Variants in SYNE3 observed in about 807,000 individuals in gnomAD.
SYNE3 encodes the protein spectrin repeat containing nuclear envelope family member 3.
A neutral mutation model predicts 111.2 loss-of-function variants in SYNE3; 100 were observed. The ratio of observed to expected loss-of-function variants is 0.90; its 90% CI spans 0.77 to 1.06. SYNE3 has a LOEUF of 1.06. Ranked by LOEUF, SYNE3 falls within the 50% of genes least tolerant of loss-of-function variation. The pLI is 0.00. For missense variants in SYNE3, 1,160 were observed against 1,240.3 expected (o/e 0.94, Z 0.97); for synonymous variants, 547 against 533.9 (o/e 1.02, Z -0.34).
rs1188695454 is a variant in SYNE3, at chr14:95,445,918, G to A, written c.1623C>T (p.Ser541=). The A allele has an allele frequency of 6.2e-7, 1 of 1,613,700 alleles. No individual in the cohort carries two copies. The highest frequency in any genetic ancestry group is 1.3e-5 in the African/African-American group (1 of 74,944). Residue 541 remains serine, a synonymous_variant, in exon 9 of 18, where the codon AGC becomes AGT. Coordinates refer to ENST00000682763, the MANE Select transcript of SYNE3 (RefSeq NM_152592.6). ...GCCTGGTGCTGCACACCTGCAGTTTGCTTTTCCTCTGCAGGAGGCTGTTAT... is the reference window on the plus strand; with the variant it reads ...GCCTGGTGCTGCACACCTGCAGTTTACTTTTCCTCTGCAGGAGGCTGTTAT... ...LLHNSLLQRK[S]KLQSLLAQHK...
At position 95,410,077 on chromosome 14, in the gene SYNE3, T is replaced by C. The variant is rs187679661; in HGVS notation, c.*7749A>G. The C allele has an allele frequency of 6.5e-6, 1 of 153,170 alleles. No homozygotes were observed. Among genetic ancestry groups the C allele is most frequent in the African/African-American group, 2.4e-5 (1 of 41,602 alleles). 9.5% of individuals were successfully genotyped at this position (153,170 alleles called of 1,614,324 possible). A position where few individuals can be genotyped will look rare whatever the true frequency, so the allele number is the denominator to read the frequency against. On this transcript the variant is annotated 3_prime_UTR_variant, in exon 18 of 18. Coordinates refer to ENST00000682763, the MANE Select transcript of SYNE3 (RefSeq NM_152592.6). ...CCAGGACAAAGACGGGAGGGGCTGT[T>C]CCTGCACAAAAACTCTGGCAAGCTG...
chr14:95,511,840 A>T (rs1291179314), intron 1 of SYNE3, among the ~76,000 whole-genome samples: 3 of 152,158 alleles, frequency 2.0e-5, no homozygotes, highest in African/African-American at 7.2e-5. Flanking sequence ...CAAGACTCTC[A>T]CTGGTCTGTC....
chr14:95,413,225 C>T lies in SYNE3; in HGVS notation c.*4601G>A, dbSNP rs1216078613. 6.8e-6 allele frequency: 1 copy of T among 147,212 alleles called. No homozygotes were observed. The highest frequency in any genetic ancestry group is 2.5e-5 in the African/African-American group (1 of 40,234). The allele number at this position is 147,212 out of a possible 1,614,324, so 9.1% of individuals were successfully genotyped here. Reference sequence around the variant, plus strand: ...TCTGTCTCTTTTGCTCTCACTCTCTCCTCTCACCCTCAAATTGTGGTAAAA... The same window carrying T: ...TCTGTCTCTTTTGCTCTCACTCTCTTCTCTCACCCTCAAATTGTGGTAAAA... On this transcript the variant is annotated 3_prime_UTR_variant, in exon 18 of 18. Coordinates refer to ENST00000682763, the MANE Select transcript of SYNE3 (RefSeq NM_152592.6).
At chr14:95,429,098 A>G (rs1885597703) in intron 17 of SYNE3, among the ~76,000 whole-genome samples, 1 of 152,148 alleles carries the variant, frequency 6.6e-6, no homozygotes, top group African/African-American at 2.4e-5. Flanking sequence ...CATACGCCAC[A>G]CTCCAACCCG....
rs113287841 is a variant in SYNE3 at position 95,507,069 on chromosome 14, G to A, written c.-15+9527C>T. 8.4e-3 allele frequency among the ~76,000 whole-genome samples: 1,281 copies of A among 152,314 alleles called. 17 individuals are homozygous for A. The highest frequency in any genetic ancestry group is 0.029 in the African/African-American group (1,213 of 41,560). The stretch of plus-strand genomic sequence containing the variant: ...ACACATCCAGCGAGGCGAGGAGCGC[G>A]GCACCTGCACCCCCACCTTACAGCA... On this transcript the variant is annotated intron_variant, in intron 1 of 17. Coordinates refer to ENST00000682763, the MANE Select transcript of SYNE3 (RefSeq NM_152592.6).
intron 1 of SYNE3, among the ~76,000 whole-genome samples, chr14:95,495,036 T>C (rs7160574): frequency 0.65 from 98,468 of 151,402 alleles, 32,587 homozygotes; most frequent in African/African-American, 0.78. Flanking sequence ...CGCTTGAACC[T>C]GGGAGGCGGA....
At position 95,436,921 on chromosome 14, in the gene SYNE3, A is replaced by G. The variant is rs1331436219; in HGVS notation, c.2437T>C (p.Phe813Leu). 6.2e-7 allele frequency: 1 copy of G among 1,614,062 alleles called. No individual in the cohort carries two copies. The highest frequency in any genetic ancestry group is 1.7e-5 in the Admixed American group (1 of 60,002). The change falls in exon 15 of 18, where the codon TTT becomes CTT. Residue 813 changes from phenylalanine to leucine, a missense_variant. Transcript: ENST00000682763. ...HEDFSQLLRN[F>L]GQWLQVENSK... Reference sequence around the variant, plus strand: ...TTTTCCACCTGCAACCACTGCCCAAAGTTCCTCAGGAGCTGGGAGAAATCT... The same window carrying G: ...TTTTCCACCTGCAACCACTGCCCAAGGTTCCTCAGGAGCTGGGAGAAATCT...
chr14:95,452,405 C>T, intron 6 of SYNE3, 22 bp from the exon 7 acceptor site: 1 of 1,588,494 alleles, frequency 6.3e-7, no homozygotes, highest in Non-Finnish European at 8.6e-7. Flanking sequence ...GACGACACCG[C>T]AGCGGGAGGT....
intron 13 of SYNE3, 73 bp from the exon 14 acceptor site, chr14:95,439,235 G>A: frequency 1.9e-6 from 3 of 1,596,896 alleles, no homozygotes; most frequent in Non-Finnish European, 1.7e-6. Flanking sequence ...AAAAGTAATA[G>A]AATTGGGGAA....
chr14:95,462,435 C>T (rs1887891409), intron 4 of SYNE3, among the ~76,000 whole-genome samples: 1 of 152,202 alleles, frequency 6.6e-6, no homozygotes, highest in Non-Finnish European at 1.5e-5. Flanking sequence ...GTCCAGCCAC[C>T]CCACAAACAA....
chr14:95,500,760 T>G lies in SYNE3; in HGVS notation c.-15+15836A>C, dbSNP rs926346155. Among the ~76,000 whole-genome samples, 18 of 152,126 alleles carry G rather than the reference T, an allele frequency of 1.2e-4. No homozygotes were observed. The highest frequency in any genetic ancestry group is 1.3e-4 in the Admixed American group (2 of 15,270). ...CCCTGGGTTGTCCCCAGCAGCCCCA[T>G]AGCAGAGTCACTGACCCTTCCTGCT... On this transcript the variant is annotated intron_variant, in intron 1 of 17. Transcript: ENST00000682763. The surrounding 1 kb of genome is among the most constrained non-coding windows in gnomAD (Gnocchi z 4.7).
intron 1 of SYNE3, among the ~76,000 whole-genome samples, chr14:95,481,898 C>T (rs1480903245): frequency 6.6e-6 from 1 of 152,264 alleles, no homozygotes; most frequent in Non-Finnish European, 1.5e-5. Context: ...AAAAAACGCC[C>T]GAGGCAGATC....
intron 1 of SYNE3, among the ~76,000 whole-genome samples, chr14:95,480,971 G>A (rs756151546): frequency 6.6e-6 from 1 of 152,180 alleles, no homozygotes; most frequent in African/African-American, 2.4e-5. Flanking sequence ...ATTAGCTGGC[G>A]GCCTGGGCAG....
intron 4 of SYNE3, among the ~76,000 whole-genome samples, chr14:95,457,936 A>AG (rs1232862824): frequency 6.6e-6 from 1 of 152,208 alleles, no homozygotes; most frequent in African/African-American, 2.4e-5. Flanking sequence ...CAGTGTCCAC[A>AG]GGGTATGCAA....
At position 95,455,510 on chromosome 14, in the gene SYNE3, T is replaced by C. The variant is rs764808146; in HGVS notation, c.1004A>G (p.Gln335Arg). 103 of 1,613,770 alleles carry C rather than the reference T, an allele frequency of 6.4e-5. No individual in the cohort carries two copies. The Middle Eastern group carries it at 9.9e-4, about 15-fold the overall frequency. ...GLLRSRGAWE[Q>R]QIKQLEAELS... ...CTCAGCCTCCAGCTGCTTAATCTGCTGCTCCCAGGCTCCCCTGGACCGGAG... is the reference window on the plus strand; with the variant it reads ...CTCAGCCTCCAGCTGCTTAATCTGCCGCTCCCAGGCTCCCCTGGACCGGAG... Residue 335 changes from glutamine (Q) to arginine (R), a missense_variant, in exon 6 of 18, where the codon CAG becomes CGG. Transcript: ENST00000682763.
chr14:95,475,262 G>C (rs1376080463), intron 2 of SYNE3, among the ~76,000 whole-genome samples: 1 of 152,208 alleles, frequency 6.6e-6, no homozygotes, highest in Non-Finnish European at 1.5e-5. Flanking sequence ...CGCTCCTCTG[G>C]AGGAAGACCT....
chr14:95,407,743 A>T lies in SYNE3; in HGVS notation c.*10083T>A, dbSNP rs968206718. ...CATCTACATGCACATATACACACAC[A>T]AGTGTGAACGCATACACAAACACAC... is the stretch of plus-strand genomic sequence containing the variant. On this transcript the variant is annotated 3_prime_UTR_variant, in exon 18 of 18. Coordinates refer to ENST00000682763, the MANE Select transcript of SYNE3 (RefSeq NM_152592.6). 6.6e-6 allele frequency: 1 copy of T among 151,990 alleles called. No homozygotes were observed. Among genetic ancestry groups the T allele is most frequent in the African/African-American group, 2.4e-5 (1 of 41,418 alleles). 9.4% of individuals were successfully genotyped at this position (151,990 alleles called of 1,614,324 possible).
At chr14:95,450,675 C>T (rs55804347) in intron 7 of SYNE3, 17,775 of 152,316 alleles carry the variant, frequency 0.12, 1,156 homozygotes, top group Non-Finnish European at 0.15. Flanking sequence ...ACACCTGTCT[C>T]CAAAATAAAT....
chr14:95,428,397 C>T (rs1175945639), intron 17 of SYNE3, among the ~76,000 whole-genome samples: 2 of 152,178 alleles, frequency 1.3e-5, no homozygotes, highest in Non-Finnish European at 2.9e-5. Context: ...TGTAATAAGA[C>T]ACCCGAATTC....
Sources: allele counts gnomAD v4.1 joint callset (sites outside exome capture counted in the v4.1 genomes callset), GRCh38; gene constraint gnomAD v4.1.1; non-coding constraint Gnocchi (gnomAD v3.1); transcripts MANE v1.5; gene names NCBI Gene and HGNC (gene_info 2026-07-23, HGNC 2026-07-21).